The following EFCAB6 variants were observed in gnomAD, a reference collection of about 807,000 sequenced individuals.
The protein encoded by EFCAB6 is EF-hand calcium binding domain 6.
In EFCAB6, 156 loss-of-function variants were observed where a neutral mutation model predicts 169.8. That is an observed-to-expected ratio of 0.92 (90% confidence interval 0.81 to 1.05). The LOEUF is 1.05. EFCAB6 is among the 50% of genes least tolerant of loss of function. The pLI is 0.00. For missense variants in EFCAB6, 1,800 were observed against 1,829.1 expected, an observed-to-expected ratio of 0.98 and a Z score of 0.29; for synonymous variants, 698 against 676.4, an observed-to-expected ratio of 1.03 and a Z score of -0.50.
rs1251340762 is a variant in EFCAB6, at chr22:43,600,085, T to C, written c.2860A>G (p.Lys954Glu). ...EMKELQQSTE[K>E]AVAARDKLMD... ...CTCACTCACCTGGCTGCCACAGCCT[T>C]CTCTGTGCTCTGCTGCAGCTCCTTC... The change falls in exon 23 of 32, where the codon AAG (lysine) becomes GAG (glutamate). Residue 954 changes from lysine (K) to glutamate (E), a missense_variant. Coordinates refer to ENST00000262726, the MANE Select transcript of EFCAB6 (RefSeq NM_022785.4). The C allele has an allele frequency of 2.5e-6, 4 of 1,613,932 alleles. No individual in the cohort carries two copies. The highest frequency in any genetic ancestry group is 3.4e-6 in the Non-Finnish European group (4 of 1,179,952).
intron 26 of EFCAB6, among the ~76,000 whole-genome samples, chr22:43,567,330 A>G (rs1281754853): frequency 3.3e-5 from 5 of 152,212 alleles, no homozygotes; most frequent in African/African-American, 1.2e-4. Flanking sequence ...CCACCCTTTA[A>G]TGATTCAATA....
At position 43,667,245 on chromosome 22, in the gene EFCAB6, G is replaced by C. The variant is rs1163571858; in HGVS notation, c.1842C>G (p.Thr614=). The C allele has an allele frequency of 3.1e-6, 5 of 1,613,716 alleles. No homozygotes were observed. The African/African-American group carries it at 5.3e-5, about 17-fold the overall frequency. The change falls in exon 17 of 32, where the codon ACC becomes ACG. Residue 614 remains threonine, a synonymous_variant. Transcript: ENST00000262726. ...ERTKLTEDKT[T]LTKKMTTEEV... The stretch of plus-strand genomic sequence containing the variant: ...CTTCTGTGGTCATCTTCTTGGTCAG[G>C]GTGGTTTTATCCTCCGTGAGCTTGG...
intron 3 of EFCAB6, among the ~76,000 whole-genome samples, chr22:43,781,329 T>C (rs979615502): frequency 1.2e-4 from 18 of 152,262 alleles, no homozygotes; most frequent in African/African-American, 3.9e-4. Flanking sequence ...CTATTTATTA[T>C]TATTATTTTT....
intron 24 of EFCAB6, among the ~76,000 whole-genome samples, chr22:43,584,323 T>C (rs1354691495): frequency 1.3e-5 from 2 of 152,092 alleles, no homozygotes; most frequent in Non-Finnish European, 2.9e-5. Context: ...GCAAAAGCCT[T>C]TGGAGGCACA....
chr22:43,797,072 A>G (rs543465283), intron 2 of EFCAB6, among the ~76,000 whole-genome samples: 10 of 152,328 alleles, frequency 6.6e-5, no homozygotes, highest in African/African-American at 2.4e-4. Context: ...CACTCAGTAA[A>G]TGCTTGTTGC....
chr22:43,605,933 T>C (rs1225088759), intron 22 of EFCAB6, among the ~76,000 whole-genome samples: 3 of 152,186 alleles, frequency 2.0e-5, no homozygotes, highest in African/African-American at 7.2e-5. Flanking sequence ...ATAAAAATGA[T>C]AGGTGCTATA....
intron 10 of EFCAB6, among the ~76,000 whole-genome samples, chr22:43,698,883 C>G (rs1211869853): frequency 1.3e-5 from 2 of 152,202 alleles, no homozygotes; most frequent in East Asian, 3.8e-4. Flanking sequence ...TGAGTTTTAG[C>G]AGCTCAATTG....
intron 2 of EFCAB6, among the ~76,000 whole-genome samples, chr22:43,789,970 C>T (rs554471989): frequency 1.3e-5 from 2 of 151,908 alleles, no homozygotes; most frequent in Non-Finnish European, 2.9e-5. Context: ...TGGCACTATA[C>T]GAGTATACAG....
At chr22:43,719,309 C>A (rs979928658) in intron 8 of EFCAB6, among the ~76,000 whole-genome samples, 1 of 152,136 alleles carries the variant, frequency 6.6e-6, no homozygotes, top group African/African-American at 2.4e-5. Flanking sequence ...ATGATGCTAC[C>A]CAATGTGAAA....
intron 10 of EFCAB6, among the ~76,000 whole-genome samples, chr22:43,704,134 AC>A (rs1245352805): frequency 1.3e-5 from 2 of 152,328 alleles, no homozygotes; most frequent in South Asian, 2.1e-4. Context: ...GATTAAAAAA[AC>A]ATATCACATA....
intron 6 of EFCAB6, among the ~76,000 whole-genome samples, chr22:43,752,774 T>C (rs1217808777): frequency 6.6e-6 from 1 of 152,194 alleles, no homozygotes; most frequent in African/African-American, 2.4e-5. Context: ...CTCCACGCCC[T>C]CCTGACTTCT....
intron 9 of EFCAB6, 166 bp downstream of exon 9, chr22:43,716,682 C>T: frequency 1.5e-6 from 1 of 654,630 alleles, no homozygotes; most frequent in South Asian, 4.8e-5. Flanking sequence ...TATCCATGAT[C>T]AATGTATTGC....
chr22:43,786,267 G>A (rs1205505889), intron 2 of EFCAB6, among the ~76,000 whole-genome samples: 1 of 152,186 alleles, frequency 6.6e-6, no homozygotes, highest in African/African-American at 2.4e-5. Context: ...GGAGGCTGAG[G>A]CAGAAGAATC....
chr22:43,560,043 G>A (rs1016937107), intron 26 of EFCAB6, among the ~76,000 whole-genome samples: 1 of 152,112 alleles, frequency 6.6e-6, no homozygotes, highest in Non-Finnish European at 1.5e-5. Context: ...AAAAATGCCT[G>A]TATAAACAAT....
intron 2 of EFCAB6, among the ~76,000 whole-genome samples, chr22:43,801,661 C>A (rs912288402): frequency 1.3e-5 from 2 of 151,936 alleles, no homozygotes; most frequent in East Asian, 3.8e-4. Flanking sequence ...GATGAGCTGT[C>A]ATCTTTTTAA....
At chr22:43,677,362 C>T (rs1244252145) in intron 13 of EFCAB6, among the ~76,000 whole-genome samples, 1 of 152,102 alleles carries the variant, frequency 6.6e-6, no homozygotes, top group Non-Finnish European at 1.5e-5. Context: ...AAAGACATGG[C>T]TGTGGCCAGG....
At chr22:43,576,864 C>CCCTTACATTCTACTT (rs2050290231) in intron 25 of EFCAB6, among the ~76,000 whole-genome samples, 1 of 152,214 alleles carries the variant, frequency 6.6e-6, no homozygotes, top group South Asian at 2.1e-4. Flanking sequence ...GCTCTCTTGA[C>CCCTTACATTCTACTT]CCTTACATTC....
chr22:43,674,698 C>A (rs772445075), intron 13 of EFCAB6, among the ~76,000 whole-genome samples: 1 of 152,158 alleles, frequency 6.6e-6, no homozygotes, highest in African/African-American at 2.4e-5. Context: ...TTAAAGAAAA[C>A]GGATTCTTAA....
At chr22:43,710,945 C>T (rs2059140042) in intron 10 of EFCAB6, among the ~76,000 whole-genome samples, 1 of 152,200 alleles carries the variant, frequency 6.6e-6, no homozygotes, top group East Asian at 1.9e-4. Flanking sequence ...ACAAACAATC[C>T]AGATTACTTC....
Sources: allele counts gnomAD v4.1 joint callset (sites outside exome capture counted in the v4.1 genomes callset), GRCh38; gene constraint gnomAD v4.1.1; transcripts MANE v1.5; gene names NCBI Gene and HGNC (gene_info 2026-07-23, HGNC 2026-07-21).